PCDHGA10: variants seen among roughly 807,000 people sequenced by gnomAD.
The protein encoded by PCDHGA10 is protocadherin gamma subfamily A, 10.
A neutral mutation model predicts 59.5 loss-of-function variants in PCDHGA10; 42 were observed. The ratio of observed to expected loss-of-function variants is 0.71; its 90% confidence interval spans 0.55 to 0.91. The LOEUF is 0.91. Among genes scored for constraint, PCDHGA10 ranks in the 40% least tolerant of loss-of-function variants. The pLI, the probability that PCDHGA10 is intolerant of heterozygous loss-of-function variation, is 0.00. For missense variants in PCDHGA10, 1,111 were observed against 1,198.2 expected (o/e 0.93, Z 1.07); for synonymous variants, 511 against 517.2 (o/e 0.99, Z 0.16).
rs369791160 is a variant in PCDHGA10 at position 141,431,269 on chromosome 5, C to G, written c.2436+15658C>G. On this transcript the variant is annotated intron_variant, in intron 1 of 3. Transcript: ENST00000398610. This position sits in a 1 kb window ranked among gnomAD's most constrained non-coding sequence, Gnocchi z 4.8. ...TCGGGAAGAACTCTCTGCAGAGCTA[C>G]GAGCTCAGCCCGAACACTCACTTCT... 1.4e-5 allele frequency: 22 copies of G among 1,614,034 alleles called. No individual in the cohort carries two copies. The highest frequency in any genetic ancestry group is 2.7e-5 in the African/African-American group (2 of 74,954).
At chr5:141,488,784 T>C (rs116057353) in intron 1 of PCDHGA10, among the ~76,000 whole-genome samples, 1 of 152,248 alleles carries the variant, frequency 6.6e-6, no homozygotes, top group African/African-American at 2.4e-5. Flanking sequence ...TTGTATCACT[T>C]TGTCTTCCCT....
Position 141,490,220 on chromosome 5 carries a change from A to G in PCDHGA10, c.2437-4587A>G. 6.2e-7 allele frequency: 1 copy of G among 1,614,252 alleles called. No individual in the cohort carries two copies. Among genetic ancestry groups the G allele is most frequent in the Non-Finnish European group, 8.5e-7 (1 of 1,180,044 alleles). On this transcript the variant is annotated intron_variant, in intron 1 of 3. Coordinates refer to ENST00000398610, the MANE Select transcript of PCDHGA10 (RefSeq NM_018913.3). This position sits in a 1 kb window ranked among gnomAD's most constrained non-coding sequence, Gnocchi z 5.4. The stretch of plus-strand genomic sequence containing the variant: ...CATGCAAGAGCCCGTGACCAGGGAC[A>G]GCCTGCCATGGAGGGCCACTGTGTG...
At chr5:141,501,329 ACACAC>A (rs1562200854) in intron 2 of PCDHGA10, among the ~76,000 whole-genome samples, 2 of 148,226 alleles carry the variant, frequency 1.3e-5, no homozygotes, top group Non-Finnish European at 3.0e-5. Flanking sequence ...ACACACACAC[ACACAC>A]CCCAAACTCA....
intron 1 of PCDHGA10, chr5:141,419,829 C>G (rs748734266): frequency 6.2e-7 from 1 of 1,614,072 alleles, no homozygotes; most frequent in Admixed American, 1.7e-5. Flanking sequence ...CTTTCAGCCA[C>G]TGCCACGCTG....
At position 141,477,706 on chromosome 5, in the gene PCDHGA10, G is replaced by A. The variant is rs1490514142; in HGVS notation, c.2437-17101G>A. 6 of 1,613,988 alleles carry A rather than the reference G, an allele frequency of 3.7e-6. No homozygotes were observed. Among genetic ancestry groups the A allele is most frequent in the Non-Finnish European group, 5.1e-6 (6 of 1,180,044 alleles). ...TAGTGCCCCTAGACTATGAGGATCGGCGGGAATTTGAATTAACAGCTCATA... is the reference window on the plus strand; with the variant it reads ...TAGTGCCCCTAGACTATGAGGATCGACGGGAATTTGAATTAACAGCTCATA... On this transcript the variant is annotated intron_variant, in intron 1 of 3. Transcript: ENST00000398610. This position sits in a 1 kb window ranked among gnomAD's most constrained non-coding sequence, Gnocchi z 4.9.
rs150249178 is a variant in PCDHGA10 at position 141,432,742 on chromosome 5, C to A, written c.2436+17131C>A. 154 of 1,614,076 alleles carry A rather than the reference C, an allele frequency of 9.5e-5. No individual in the cohort carries two copies. In the Middle Eastern group the frequency reaches 1.3e-3, roughly 14 times the overall value. On this transcript the variant is annotated intron_variant, in intron 1 of 3. Transcript: ENST00000398610. This position sits in a 1 kb window ranked among gnomAD's most constrained non-coding sequence, Gnocchi z 6.0. ...CTCTCTCCGCCACTGTCACGCTCAC[C>A]GTGGCCGTGGCCGACAGCATCCCCC... is the stretch of plus-strand genomic sequence containing the variant.
At chr5:141,483,801 C>CT (rs1486591615) in intron 1 of PCDHGA10, among the ~76,000 whole-genome samples, 8 of 152,168 alleles carry the variant, frequency 5.3e-5, no homozygotes, top group Non-Finnish European at 8.8e-5. Flanking sequence ...GTTGTTGCTG[C>CT]TTTTTTTGGC....
intron 1 of PCDHGA10, chr5:141,420,280 T>C: frequency 6.6e-7 from 1 of 1,513,274 alleles, no homozygotes; most frequent in Non-Finnish European, 8.9e-7. Context: ...AACAGGTAAG[T>C]ATTTAAAAAT....
At chr5:141,510,824 A>G (rs947400590) in intron 3 of PCDHGA10, 123 bp from the exon 4 acceptor site, 2 of 1,563,416 alleles carry the variant, frequency 1.3e-6, no homozygotes, top group Non-Finnish European at 1.7e-6. Flanking sequence ...CTATATTCCC[A>G]GTGCTCAGCG....
In PCDHGA10 at chr5:141,476,351, G is replaced by A; in HGVS notation, c.2437-18456G>A. The A allele has an allele frequency of 1.2e-6, 2 of 1,614,182 alleles. No individual in the cohort carries two copies. The highest frequency in any genetic ancestry group is 1.7e-6 in the Non-Finnish European group (2 of 1,180,046). ...TGGAGCTAGCCGAAGATTCTTTGAG[G>A]TGAACCGGGAGACCGGAGAGATGTT... On this transcript the variant is annotated intron_variant, in intron 1 of 3. Coordinates refer to ENST00000398610, the MANE Select transcript of PCDHGA10 (RefSeq NM_018913.3). This position sits in a 1 kb window ranked among gnomAD's most constrained non-coding sequence, Gnocchi z 7.6.
intron 1 of PCDHGA10, 138 bp downstream of exon 1, chr5:141,415,749 T>C: frequency 8.2e-7 from 1 of 1,214,000 alleles, no homozygotes; most frequent in Non-Finnish European, 1.1e-6. Flanking sequence ...GGTTTTTTTT[T>C]TTTTTTTTTT....
rs1347191224 is a variant in PCDHGA10, at chr5:141,415,387, G to A, written c.2212G>A (p.Gly738Ser). The A allele has an allele frequency of 1.2e-6, 2 of 1,614,168 alleles. No individual in the cohort carries two copies. Reference protein sequence around the residue: ...LLQASGGGLTGVSGSHFVGVD... With the variant: ...LLQASGGGLTSVSGSHFVGVD... ...GCAGGCTTCAGGAGGCGGCTTGACA[G>A]GTGTGTCCGGCTCGCACTTTGTGGG... Residue 738 changes from glycine (G) to serine (S), a missense_variant, in exon 1 of 4, where the codon GGT becomes AGT. By Grantham distance (56) the Gly-to-Ser change is moderately conservative (BLOSUM62 0). Transcript: ENST00000398610.
At position 141,432,009 on chromosome 5, in the gene PCDHGA10, G is replaced by T. The variant is rs1227754190; in HGVS notation, c.2436+16398G>T. ...GTCTTGGATAGGGAACAGGTTCCTAGCTACAACATCACAGTGACCGCCACT... is the reference window on the plus strand; with the variant it reads ...GTCTTGGATAGGGAACAGGTTCCTATCTACAACATCACAGTGACCGCCACT... On this transcript the variant is annotated intron_variant, in intron 1 of 3. Transcript: ENST00000398610. The surrounding 1 kb of genome is among the most constrained non-coding windows in gnomAD (Gnocchi z 6.0). 1 of 1,614,070 alleles carries T rather than the reference G, an allele frequency of 6.2e-7. No homozygotes were observed. The highest frequency in any genetic ancestry group is 8.5e-7 in the Non-Finnish European group (1 of 1,180,032).
intron 1 of PCDHGA10, among the ~76,000 whole-genome samples, chr5:141,482,804 G>T (rs1431490730): frequency 6.6e-6 from 1 of 152,194 alleles, no homozygotes; most frequent in East Asian, 1.9e-4. Flanking sequence ...GGGTACGGTG[G>T]CTCATGCCTG....
chr5:141,502,308 C>T (rs928137926), intron 2 of PCDHGA10, among the ~76,000 whole-genome samples: 2 of 151,586 alleles, frequency 1.3e-5, no homozygotes, highest in Non-Finnish European at 2.9e-5. Flanking sequence ...CTTTCCTCTC[C>T]TTTAATCTGG....
chr5:141,419,065 C>T (rs763008753), intron 1 of PCDHGA10: 3 of 1,613,904 alleles, frequency 1.9e-6, no homozygotes, highest in Non-Finnish European at 2.5e-6. Flanking sequence ...ATAATTACTA[C>T]AAGCTAGTAA....
At chr5:141,510,845 C>T (rs2099883036) in intron 3 of PCDHGA10, 102 bp from the exon 4 acceptor site, 3 of 1,593,960 alleles carry the variant, frequency 1.9e-6, no homozygotes, top group Non-Finnish European at 2.6e-6. Context: ...TGGTCAAGGC[C>T]CAGGGTGCTG....
chr5:141,477,600 T>A lies in PCDHGA10; in HGVS notation c.2437-17207T>A, dbSNP rs746047124. The A allele has an allele frequency of 6.2e-6, 10 of 1,614,146 alleles. No homozygotes were observed. The highest frequency in any genetic ancestry group is 7.6e-6 in the Non-Finnish European group (9 of 1,180,026). ...CCGCAGAATGCTCGGCTTTCTTTCT[T>A]TCTCTTGGAGCAAGGAGCTGAAACC... On this transcript the variant is annotated intron_variant, in intron 1 of 3. Coordinates refer to ENST00000398610, the MANE Select transcript of PCDHGA10 (RefSeq NM_018913.3). This position sits in a 1 kb window ranked among gnomAD's most constrained non-coding sequence, Gnocchi z 4.9.
intron 3 of PCDHGA10, chr5:141,508,127 G>A (rs1220643878): frequency 6.6e-6 from 1 of 152,628 alleles, no homozygotes; most frequent in Non-Finnish European, 1.5e-5. Context: ...ACAGAGGGAG[G>A]TCAGGGAGCT....
Sources: gnomAD v4.1 joint callset for allele counts (sites outside exome capture counted in the v4.1 genomes callset) on GRCh38, gnomAD v4.1.1 for gene constraint, Gnocchi (gnomAD v3.1) non-coding constraint, MANE v1.5 for transcripts, NCBI Gene and HGNC (gene_info 2026-07-23, HGNC 2026-07-21) for gene names.